The following STPG2 variants were observed in gnomAD, a reference collection of about 807,000 sequenced individuals.
The protein encoded by STPG2 is sperm-tail PG-rich repeat-containing protein 2.
A neutral mutation model predicts 54.2 loss-of-function variants in STPG2; 56 were observed. That is an observed-to-expected ratio of 1.03 (90% CI 0.83 to 1.29). The LOEUF is 1.29. Ranked by LOEUF, STPG2 falls within the 50% of genes most tolerant of loss-of-function variation. The probability of loss-of-function intolerance (pLI) is 0.00; values close to 1 mark genes in which losing one functional copy is unlikely to be tolerated. For missense variants in STPG2, 596 were observed against 544.9 expected (o/e 1.09, Z -0.93); for synonymous variants, 200 against 181.8 (o/e 1.10, Z -0.81).
intron 8 of STPG2, among the ~76,000 whole-genome samples, chr4:97,911,452 G>A (rs1031798938): frequency 1.3e-5 from 2 of 152,170 alleles, no homozygotes; most frequent in African/African-American, 4.8e-5. Flanking sequence ...TTCCCGGGGG[G>A]CAGGGGCAGC....
chr4:97,980,979 G>C (rs1297207138), intron 6 of STPG2, among the ~76,000 whole-genome samples, 180 bp downstream of exon 6: 2 of 152,110 alleles, frequency 1.3e-5, no homozygotes, highest in African/African-American at 4.8e-5. Context: ...TACTAAAACT[G>C]TATATTATTT....
At chr4:97,544,833 C>G (rs1375454600) in intron 4 of STPG2, among the ~76,000 whole-genome samples, 5 of 151,852 alleles carry the variant, frequency 3.3e-5, no homozygotes, top group African/African-American at 1.2e-4. Flanking sequence ...AGCTTATTAC[C>G]CAGCAGAAAG....
At chr4:97,442,427 T>A (rs959204885) in intron 4 of STPG2, among the ~76,000 whole-genome samples, 6 of 152,044 alleles carry the variant, frequency 3.9e-5, no homozygotes, top group African/African-American at 1.2e-4. Context: ...TAGAAAAAAA[T>A]TGTTTTTAAT....
At chr4:97,456,253 G>T (rs1173473432) in intron 4 of STPG2, among the ~76,000 whole-genome samples, 1 of 152,138 alleles carries the variant, frequency 6.6e-6, no homozygotes, top group East Asian at 1.9e-4. Context: ...ATGGCTGGGA[G>T]GCCTCAGGAA....
intron 3 of STPG2, 91 bp from the exon 4 acceptor site, chr4:98,109,396 A>T (rs1428845497): frequency 1.1e-6 from 1 of 916,354 alleles, no homozygotes; most frequent in East Asian, 2.6e-5. Context: ...TCTAAATCTA[A>T]AGCAAGGATA....
At chr4:97,479,017 A>G (rs571800573) in intron 4 of STPG2, among the ~76,000 whole-genome samples, 20 of 151,930 alleles carry the variant, frequency 1.3e-4, no homozygotes, top group African/African-American at 4.8e-4. Context: ...CCCTACAACA[A>G]CAGCATACAA....
intron 1 of STPG2, among the ~76,000 whole-genome samples, chr4:98,135,907 C>T (rs1297044501): frequency 6.6e-6 from 1 of 151,774 alleles, no homozygotes; most frequent in Non-Finnish European, 1.5e-5. Context: ...TATAAATACA[C>T]ACACATACAC....
At chr4:97,640,050 G>T (rs1288478790) in intron 10 of STPG2, among the ~76,000 whole-genome samples, 1 of 151,888 alleles carries the variant, frequency 6.6e-6, no homozygotes, top group Non-Finnish European at 1.5e-5. Context: ...AATAAAAAAT[G>T]GTTATTTAGG....
At chr4:97,722,266 A>G (rs1578507141) in intron 9 of STPG2, among the ~76,000 whole-genome samples, 1 of 152,178 alleles carries the variant, frequency 6.6e-6, no homozygotes, top group African/African-American at 2.4e-5. Flanking sequence ...ACATTTTACA[A>G]GAGCCCTCAC....
In STPG2 at chr4:97,840,961, A is replaced by T. The variant is rs1399336045; in HGVS notation, c.1045-29T>A. 5 of 1,605,218 alleles carry T rather than the reference A, an allele frequency of 3.1e-6. No individual in the cohort carries two copies. The Admixed American group carries it at 5.1e-5, about 16-fold the overall frequency. On this transcript the variant is annotated intron_variant, in intron 8 of 10. Coordinates refer to ENST00000295268, the MANE Select transcript of STPG2 (RefSeq NM_174952.3). Reference sequence around the variant, plus strand: ...AAAAAAAATTTAATAGATGAGCATAAATATATCTTATACTGAAAATATCCA... The same window carrying T: ...AAAAAAAATTTAATAGATGAGCATATATATATCTTATACTGAAAATATCCA...
chr4:98,064,826 C>A (rs1044399842), intron 5 of STPG2, among the ~76,000 whole-genome samples: 2 of 151,252 alleles, frequency 1.3e-5, no homozygotes, highest in African/African-American at 2.4e-5. Context: ...ACATGATGAC[C>A]TTATTAGATA....
chr4:97,769,298 C>T (rs964462194), intron 9 of STPG2, among the ~76,000 whole-genome samples: 1 of 152,142 alleles, frequency 6.6e-6, no homozygotes, highest in Non-Finnish European at 1.5e-5. Context: ...ACATGGAGTA[C>T]ATATAAGTGT....
chr4:98,008,914 C>A (rs1735654924), intron 5 of STPG2, among the ~76,000 whole-genome samples: 1 of 151,970 alleles, frequency 6.6e-6, no homozygotes, highest in South Asian at 2.1e-4. Context: ...TCTAGGTTAT[C>A]CAATTTGTTG....
At chr4:97,927,863 T>C (rs961129914) in intron 8 of STPG2, among the ~76,000 whole-genome samples, 4 of 152,158 alleles carry the variant, frequency 2.6e-5, no homozygotes, top group African/African-American at 9.6e-5. Context: ...AAGTACTATA[T>C]AAGCATTAGC....
chr4:97,877,720 T>G (rs894256748), intron 8 of STPG2, among the ~76,000 whole-genome samples: 9 of 152,118 alleles, frequency 5.9e-5, no homozygotes, highest in African/African-American at 2.2e-4. Context: ...GGGATTTGTG[T>G]GGGGACACAG....
At chr4:97,566,253 T>C (rs1182660153) in intron 10 of STPG2, among the ~76,000 whole-genome samples, 3 of 152,144 alleles carry the variant, frequency 2.0e-5, no homozygotes, top group South Asian at 2.1e-4. Context: ...GTGCGGGATA[T>C]AATCTCCTGG....
At chr4:97,723,093 T>C (rs1442572015) in intron 9 of STPG2, among the ~76,000 whole-genome samples, 2 of 151,678 alleles carry the variant, frequency 1.3e-5, no homozygotes, top group Non-Finnish European at 2.9e-5. Context: ...ATTACAGGCG[T>C]GAGCCACCGC....
At chr4:97,623,629 A>T (rs1455061136) in intron 10 of STPG2, among the ~76,000 whole-genome samples, 1 of 151,996 alleles carries the variant, frequency 6.6e-6, no homozygotes, top group Admixed American at 6.6e-5. Context: ...AAAATTTTTA[A>T]AAAATTTCAC....
At chr4:97,891,506 T>A (rs935917125) in intron 8 of STPG2, among the ~76,000 whole-genome samples, 1 of 152,040 alleles carries the variant, frequency 6.6e-6, no homozygotes, top group Non-Finnish European at 1.5e-5. Flanking sequence ...AAATGATATA[T>A]CTAAATAGCA....
Sources: gnomAD v4.1 joint callset for allele counts (sites outside exome capture counted in the v4.1 genomes callset) on GRCh38, gnomAD v4.1.1 for gene constraint, MANE v1.5 for transcripts, NCBI Gene and HGNC (gene_info 2026-07-23, HGNC 2026-07-21) for gene names.